The following RIC3 variants were observed in gnomAD, a reference collection of about 807,000 sequenced individuals.
RIC3 encodes the protein protein RIC-3.
RIC3 carries 28 observed loss-of-function variants against 27.3 expected under a neutral mutation model. The ratio of observed to expected loss-of-function variants is 1.02; its 90% CI spans 0.76 to 1.41. The LOEUF (loss-of-function observed/expected upper bound fraction) is 1.41, where lower values mean the gene tolerates loss of function less well. Ranked by LOEUF, RIC3 falls within the 40% of genes most tolerant of loss-of-function variation. The probability of loss-of-function intolerance (pLI) is 0.00; values close to 1 mark genes in which losing one functional copy is unlikely to be tolerated. For synonymous variants in RIC3, 184 were observed against 160.4 expected (o/e 1.15, Z -1.11); for missense variants, 501 against 444.7 (o/e 1.13, Z -1.14).
intron 5 of RIC3, among the ~76,000 whole-genome samples, chr11:8,113,443 C>G (rs1945489168): frequency 6.6e-6 from 1 of 152,098 alleles, no homozygotes; most frequent in African/African-American, 2.4e-5. Flanking sequence ...CGGGCCCACC[C>G]AGCATCAGGC....
chr11:8,150,699 A>G (rs1353172534), intron 1 of RIC3, among the ~76,000 whole-genome samples: 1 of 152,230 alleles, frequency 6.6e-6, no homozygotes, highest in Non-Finnish European at 1.5e-5. Context: ...TAATACCATA[A>G]AAGTCAGAGG....
In RIC3 at chr11:8,106,746, G is replaced by C. The variant is rs768970836; in HGVS notation, c.*3952C>G. Reference sequence around the variant, plus strand: ...GAAGGCAAAAGGAAGGGAGGCTACAGTTGTAGCTAGAAGCAGACATGAAAG... The same window carrying C: ...GAAGGCAAAAGGAAGGGAGGCTACACTTGTAGCTAGAAGCAGACATGAAAG... On this transcript the variant is annotated 3_prime_UTR_variant, in exon 6 of 6. Transcript: ENST00000309737. The C allele has an allele frequency of 2.6e-5, 4 of 152,326 alleles. No homozygotes were observed. The highest frequency in any genetic ancestry group is 5.9e-5 in the Non-Finnish European group (4 of 68,070). The allele number at this position is 152,326 out of a possible 1,614,324, so 9.4% of individuals were successfully genotyped here. A position where few individuals can be genotyped will look rare whatever the true frequency, so the allele number is the denominator to read the frequency against.
intron 4 of RIC3, among the ~76,000 whole-genome samples, chr11:8,127,835 G>A (rs147227114): frequency 1.9e-3 from 286 of 152,304 alleles, no homozygotes; most frequent in Admixed American, 4.7e-3. Flanking sequence ...TTCTGAGCCT[G>A]CATTCATTTC....
chr11:8,101,614 G>A (rs370882734), downstream of RIC3: 36 of 1,614,088 alleles, frequency 2.2e-5, 1 homozygote, highest in South Asian at 4.4e-5. Context: ...GCTGGCGTGC[G>A]AGTAGAGGCC....
At chr11:8,111,852 A>G (rs952421685) in intron 5 of RIC3, among the ~76,000 whole-genome samples, 9 of 152,274 alleles carry the variant, frequency 5.9e-5, no homozygotes, top group Non-Finnish European at 1.5e-5. Flanking sequence ...TTGCCAAATT[A>G]CCAAACTAAA....
rs372452798 is a variant in RIC3, at chr11:8,132,624, G to C, written c.521+4754C>G. 1.4e-4 allele frequency among the ~76,000 whole-genome samples: 22 copies of C among 152,274 alleles called. No individual in the cohort carries two copies. In the East Asian group the frequency reaches 4.0e-3, roughly 28 times the overall value. ...AAAAGCTTTCTGAAAAGTTTGATTA[G>C]ATAATATCAAAAACTTTCCCCATAT... is the stretch of plus-strand genomic sequence containing the variant. On this transcript the variant is annotated intron_variant, in intron 4 of 5. Coordinates refer to ENST00000309737, the MANE Select transcript of RIC3 (RefSeq NM_001206671.4).
intron 1 of RIC3, among the ~76,000 whole-genome samples, chr11:8,160,760 A>C (rs1490909788): frequency 6.6e-6 from 1 of 152,248 alleles, no homozygotes. Flanking sequence ...TGTTATTTGC[A>C]GTTCTAAGAG....
At chr11:8,161,894 G>GCAACCACTGTTA (rs1565133276) in intron 1 of RIC3, among the ~76,000 whole-genome samples, 5 of 148,690 alleles carry the variant, frequency 3.4e-5, no homozygotes, top group Admixed American at 2.1e-4. Flanking sequence ...CGAAACTGTT[G>GCAACCACTGTTA]CTATAAATGA....
chr11:8,159,140 A>AT (rs139480525), intron 1 of RIC3, among the ~76,000 whole-genome samples: 7,175 of 152,198 alleles, frequency 0.047, 265 homozygotes, highest in African/African-American at 0.1. Context: ...GGAAGTTAAG[A>AT]TTTTAGCTGG....
intron 5 of RIC3, among the ~76,000 whole-genome samples, chr11:8,115,806 T>A (rs4758043): frequency 0.076 from 11,499 of 152,244 alleles, 518 homozygotes; most frequent in Admixed American, 0.12. Flanking sequence ...GATACTGCTA[T>A]AATGTCCATA....
At chr11:8,153,858 T>C (rs1950451060) in intron 1 of RIC3, among the ~76,000 whole-genome samples, 3 of 152,184 alleles carry the variant, frequency 2.0e-5, no homozygotes, top group South Asian at 2.1e-4. Flanking sequence ...TGTAGATTCA[T>C]TCTCTCCAAA....
intron 3 of RIC3, 94 bp downstream of exon 3, chr11:8,138,178 A>G: frequency 1.2e-6 from 1 of 842,038 alleles, no homozygotes; most frequent in African/African-American, 1.7e-5. Flanking sequence ...AACTTTTGAG[A>G]AATGCTTTTA....
chr11:8,100,949 G>A, the RIC3 span: 90 of 1,614,000 alleles, frequency 5.6e-5, no homozygotes, highest in Admixed American at 1.0e-4. Context: ...CCATGGGCGC[G>A]TCACACAGGC....
chr11:8,140,101 C>T lies in RIC3; in HGVS notation c.217G>A (p.Ala73Thr). 6.2e-7 allele frequency: 1 copy of T among 1,614,074 alleles called. No individual in the cohort carries two copies. Among genetic ancestry groups the T allele is most frequent in the Non-Finnish European group, 8.5e-7 (1 of 1,180,010 alleles). The change falls in exon 2 of 6, where the codon GCC (alanine) becomes ACC (threonine). Residue 73 changes from alanine (A) to threonine (T), a missense_variant. Physicochemically the swap from Ala to Thr is moderately conservative, Grantham distance 58. Transcript: ENST00000309737. ...CCTTTGGCCTTTGCAAATGCCTCGG[C>T]AAGGTGAGACCTCTGGAAACGAGCC... The part of the protein sequence containing the change: ...PGARFQRSHL[A>T]EAFAKAKGSG...
At chr11:8,094,203 C>G in the RIC3 span, 174 of 1,600,910 alleles carry the variant, frequency 1.1e-4, no homozygotes, top group Non-Finnish European at 1.4e-4. Context: ...AGCTCACATT[C>G]TCTACAGCCC....
At chr11:8,167,146 C>A (rs1052942447) in intron 1 of RIC3, among the ~76,000 whole-genome samples, 1 of 152,078 alleles carries the variant, frequency 6.6e-6, no homozygotes, top group Non-Finnish European at 1.5e-5. Flanking sequence ...GCTTAATAAT[C>A]TTAAAGTATT....
At chr11:8,151,309 C>T (rs959395959) in intron 1 of RIC3, among the ~76,000 whole-genome samples, 22 of 152,028 alleles carry the variant, frequency 1.4e-4, no homozygotes, top group African/African-American at 3.4e-4. Flanking sequence ...ACAAATAGGC[C>T]GGGCGCGGTG....
Position 8,111,051 on chromosome 11 carries a change from G to C in RIC3, c.757C>G (p.Pro253Ala), listed in dbSNP as rs137948012. 62 of 1,613,952 alleles carry C rather than the reference G, an allele frequency of 3.8e-5. No individual in the cohort carries two copies. The East Asian group carries it at 1.3e-3, about 34-fold the overall frequency. Residue 253 changes from proline to alanine, a missense_variant, in exon 6 of 6, where the codon CCA becomes GCA. Coordinates refer to ENST00000309737, the MANE Select transcript of RIC3 (RefSeq NM_001206671.4). The stretch of plus-strand genomic sequence containing the variant: ...ATTTCTTCAGCAGAAAGTTCTTTTG[G>C]GTCAGGGTAATCCACCAAGATTGTT... ...QETILVDYPD[P>A]KELSAEEIAE...
intron 1 of RIC3, among the ~76,000 whole-genome samples, chr11:8,154,384 T>A (rs146933430): frequency 6.6e-6 from 1 of 152,218 alleles, no homozygotes; most frequent in Non-Finnish European, 1.5e-5. Context: ...TCATATTGTG[T>A]ATAGGCAGTG....
Sources: allele counts gnomAD v4.1 joint callset (sites outside exome capture counted in the v4.1 genomes callset), GRCh38; gene constraint gnomAD v4.1.1; transcripts MANE v1.5; gene names NCBI Gene and HGNC (gene_info 2026-07-23, HGNC 2026-07-21).